Variants in SALL4 observed in about 807,000 individuals in gnomAD.
SALL4 encodes the protein spalt like transcription factor 4.
In SALL4, 4 loss-of-function variants were observed where a neutral mutation model predicts 60.8. The ratio of observed to expected loss-of-function variants is 0.07; its 90% CI spans 0.03 to 0.15. SALL4 has a LOEUF of 0.15. Ranked by LOEUF, SALL4 falls within the 10% of genes least tolerant of loss-of-function variation. The pLI, the probability that SALL4 is intolerant of heterozygous loss-of-function variation, is 1.00. For missense variants in SALL4, 1,178 were observed against 1,394.7 expected (o/e 0.84, Z 2.48); for synonymous variants, 580 against 574.9 (o/e 1.01, Z -0.13).
At chr20:51,787,957 GC>G (rs1250667787) in intron 3 of SALL4, among the ~76,000 whole-genome samples, 2 of 151,842 alleles carry the variant, frequency 1.3e-5, no homozygotes, top group Non-Finnish European at 2.9e-5. Flanking sequence ...AAGTAGCTGG[GC>G]CTACAGGCGC....
Position 51,782,333 on chromosome 20 carries a change from A to AG in SALL4, c.*1931dup, listed in dbSNP as rs1488011799. Reference sequence around the variant, plus strand: ...AGAAAAATTTATATACACCTGGGTGAGAAAAAAAAACATTCAAATTTTATT... The same window carrying AG: ...AGAAAAATTTATATACACCTGGGTGAGGAAAAAAAAACATTCAAATTTTATT... On this transcript the variant is annotated 3_prime_UTR_variant, in exon 4 of 4. Transcript: ENST00000217086. 2.0e-5 allele frequency: 3 copies of AG among 149,390 alleles called. No homozygotes were observed. Among genetic ancestry groups the AG allele is most frequent in the Non-Finnish European group, 4.5e-5 (3 of 66,348 alleles). 9.3% of individuals were successfully genotyped at this position (149,390 alleles called of 1,614,324 possible).
At chr20:51,797,221 T>C (rs2078084314) in intron 1 of SALL4, among the ~76,000 whole-genome samples, 1 of 151,750 alleles carries the variant, frequency 6.6e-6, no homozygotes, top group Non-Finnish European at 1.5e-5. Flanking sequence ...CTAGATCTTG[T>C]TATTTATTGT....
In SALL4 at chr20:51,802,314, T is replaced by A. The variant is rs765354934; in HGVS notation, c.95A>T (p.Asp32Val). Reference protein sequence around the residue: ...QPQQQTPEFADAAPAAPAAGE... With the variant: ...QPQQQTPEFAVAAPAAPAAGE... ...CGCCGCGGGCGCCGCTGGGGCCGCA[T>A]CTGCAAACTCCGGGGTCTGCTGCTG... The change falls in exon 1 of 4, where the codon GAT (aspartate) becomes GTT (valine). Residue 32 changes from aspartate to valine, a missense_variant. Asp to Val is a radical substitution (Grantham distance 152). Transcript: ENST00000217086. 6.2e-7 allele frequency: 1 copy of A among 1,610,176 alleles called. No homozygotes were observed. Among genetic ancestry groups the A allele is most frequent in the African/African-American group, 1.3e-5 (1 of 74,938 alleles).
At position 51,782,719 on chromosome 20, in the gene SALL4, G is replaced by T. The variant is rs537631754; in HGVS notation, c.*1546C>A. ...ATTAGAGTTTTTTTCTTTCTTTCTT[G>T]TTAAACCAAGAGCAATGTTTCGTTT... On this transcript the variant is annotated 3_prime_UTR_variant, in exon 4 of 4. Coordinates refer to ENST00000217086, the MANE Select transcript of SALL4 (RefSeq NM_020436.5). 4 of 151,772 alleles carry T rather than the reference G, an allele frequency of 2.6e-5. No individual in the cohort carries two copies. The highest frequency in any genetic ancestry group is 4.4e-5 in the Non-Finnish European group (3 of 67,930). 9.4% of individuals were successfully genotyped at this position (151,772 alleles called of 1,614,324 possible).
At chr20:51,800,499 A>G (rs2078103141) in intron 1 of SALL4, among the ~76,000 whole-genome samples, 1 of 152,226 alleles carries the variant, frequency 6.6e-6, no homozygotes, top group Non-Finnish European at 1.5e-5. Context: ...TAATTTCAGA[A>G]GCCCTCTCGT....
chr20:51,785,946 T>C (rs2077989308), intron 3 of SALL4, among the ~76,000 whole-genome samples: 1 of 148,768 alleles, frequency 6.7e-6, no homozygotes, highest in Non-Finnish European at 1.5e-5. Flanking sequence ...CCGGCCTTTT[T>C]TTTGAGTCTT....
chr20:51,787,982 C>T (rs1479550048), intron 3 of SALL4, among the ~76,000 whole-genome samples: 3 of 151,170 alleles, frequency 2.0e-5, no homozygotes, highest in Admixed American at 2.0e-4. Flanking sequence ...CCACCACGCC[C>T]ATCTAATTTT....
intron 1 of SALL4, among the ~76,000 whole-genome samples, chr20:51,795,436 T>G (rs944540988): frequency 9.2e-5 from 14 of 151,962 alleles, no homozygotes; most frequent in Non-Finnish European, 1.6e-4. Flanking sequence ...CAGATAAAAA[T>G]GTTCGTCAAT....
Position 51,784,121 on chromosome 20 carries a change from G to C in SALL4, c.*144C>G. On this transcript the variant is annotated 3_prime_UTR_variant, in exon 4 of 4. Transcript: ENST00000217086. ...ACAATCGTGATTGTAGCACTTGCCT[G>C]AGGTTGTGGTCACAACCAACGTAGT... The C allele has an allele frequency of 1.1e-6, 1 of 906,408 alleles. No individual in the cohort carries two copies. The highest frequency in any genetic ancestry group is 1.7e-6 in the Non-Finnish European group (1 of 575,430). The allele number at this position is 906,408 out of a possible 1,614,324, so 56.1% of individuals were successfully genotyped here.
chr20:51,796,316 A>G (rs2078079714), intron 1 of SALL4, among the ~76,000 whole-genome samples: 1 of 151,958 alleles, frequency 6.6e-6, no homozygotes, highest in African/African-American at 2.4e-5. Context: ...GCTAACCACC[A>G]CCAACCTCTC....
chr20:51,802,211 C>T (rs2078114711), intron 1 of SALL4, 68 bp downstream of exon 1: 3 of 1,501,348 alleles, frequency 2.0e-6, no homozygotes, highest in Admixed American at 2.2e-5. Context: ...CCGAAGCCTG[C>T]GCCCTCGAGG....
intron 1 of SALL4, 112 bp downstream of exon 1, chr20:51,802,167 G>A (rs1270723322): frequency 3.0e-6 from 4 of 1,335,180 alleles, no homozygotes; most frequent in South Asian, 1.5e-5. Flanking sequence ...CCCAAATCTC[G>A]GCTCCTGAAT....
chr20:51,793,955 C>T (rs942871413), intron 1 of SALL4, among the ~76,000 whole-genome samples: 3 of 152,174 alleles, frequency 2.0e-5, no homozygotes, highest in African/African-American at 7.2e-5. Flanking sequence ...GCCAACCTAG[C>T]CTTGCCTATC....
rs2077978397 is a variant in SALL4 at position 51,784,582 on chromosome 20, C to T, written c.2845G>A (p.Val949Ile). Residue 949 changes from valine to isoleucine, a missense_variant, in exon 4 of 4, where the codon GTC becomes ATC. Val to Ile is a conservative substitution (Grantham distance 29, BLOSUM62 3). Transcript: ENST00000217086. ...ATTTCCTTGGGAAAGATTTCTGAGA[C>T]TCTTTTTCCGTCCGTACCTAACAGA... ...MALLGTDGKR[V>I]SEIFPKEILA... The T allele has an allele frequency of 1.2e-6, 2 of 1,614,048 alleles. No individual in the cohort carries two copies. Among genetic ancestry groups the T allele is most frequent in the African/African-American group, 1.3e-5 (1 of 74,920 alleles).
At position 51,802,473 on chromosome 20, in the gene SALL4, G is replaced by C; in HGVS notation, c.-65C>G. 1 of 1,609,482 alleles carries C rather than the reference G, an allele frequency of 6.2e-7. No homozygotes were observed. Among genetic ancestry groups the C allele is most frequent in the Non-Finnish European group, 8.5e-7 (1 of 1,178,476 alleles). On this transcript the variant is annotated 5_prime_UTR_variant, in exon 1 of 4. Transcript: ENST00000217086. ...GCCCTCTCCGCCACAAATTCCTGGA[G>C]TTGGGAAATTTACCCCCCTTCGGCC...
chr20:51,788,662 C>T lies in SALL4; in HGVS notation c.2742+199G>A, dbSNP rs1365922607. On this transcript the variant is annotated intron_variant, in intron 3 of 3. Coordinates refer to ENST00000217086, the MANE Select transcript of SALL4 (RefSeq NM_020436.5). This position sits in a 1 kb window ranked among gnomAD's most constrained non-coding sequence, Gnocchi z 4.1. ...GCTTGAGCTTGAGATGGCGCCACTG[C>T]ACTCCAGTCTGGGCGACAGAGTGAG... Among the ~76,000 whole-genome samples, 2 of 152,086 alleles carry T rather than the reference C, an allele frequency of 1.3e-5. No homozygotes were observed. Among genetic ancestry groups the T allele is most frequent in the African/African-American group, 2.4e-5 (1 of 41,412 alleles).
intron 2 of SALL4, among the ~76,000 whole-genome samples, chr20:51,789,722 A>G (rs1354827906): frequency 3.3e-5 from 5 of 152,210 alleles, no homozygotes; most frequent in African/African-American, 1.2e-4. Context: ...AAAAAACTAT[A>G]ACAAAATAGA....
chr20:51,791,308 C>T lies in SALL4; in HGVS notation c.1175G>A (p.Gly392Glu). The change falls in exon 2 of 4, where the codon GGG becomes GAG. Residue 392 changes from glycine (G) to glutamate (E), a missense_variant. Gly to Glu is a moderately conservative substitution (Grantham distance 98, BLOSUM62 -2). Around this residue, in one of 5 missense-constraint regions of SALL4, gnomAD observed 853 missense variants for 1,036.8 expected, o/e 0.82. Coordinates refer to ENST00000217086, the MANE Select transcript of SALL4 (RefSeq NM_020436.5). The surrounding 1 kb of genome is among the most constrained non-coding windows in gnomAD (Gnocchi z 4.6). ...GTGGATCTGCAAGGAGCTATCAGTC[C>T]CAAAAACCTTGCTACAGTACTTACA... ...HKCKYCSKVF[G>E]TDSSLQIHLR... 1 of 1,614,086 alleles carries T rather than the reference C, an allele frequency of 6.2e-7. No individual in the cohort carries two copies. The highest frequency in any genetic ancestry group is 8.5e-7 in the Non-Finnish European group (1 of 1,180,032).
chr20:51,799,523 G>T (rs975368979), intron 1 of SALL4, among the ~76,000 whole-genome samples: 18 of 152,230 alleles, frequency 1.2e-4, no homozygotes, highest in Admixed American at 1.1e-3. Context: ...ATTTGCTTCT[G>T]CACTGCACAT....
Sources: allele counts gnomAD v4.1 joint callset (sites outside exome capture counted in the v4.1 genomes callset), GRCh38; gene constraint gnomAD v4.1.1; regional missense constraint gnomAD v4.1.1; non-coding constraint Gnocchi (gnomAD v3.1); transcripts MANE v1.5; gene names NCBI Gene and HGNC (gene_info 2026-07-23, HGNC 2026-07-21).